The following TNS2 variants were observed in gnomAD, a reference collection of about 807,000 sequenced individuals.
The protein encoded by TNS2 is tensin-2.
A neutral mutation model predicts 155.7 loss-of-function variants in TNS2; 77 were observed. That is an observed-to-expected ratio of 0.49 (90% CI 0.41 to 0.60). The LOEUF (loss-of-function observed/expected upper bound fraction) is 0.60, where lower values mean the gene tolerates loss of function less well. TNS2 is among the 20% of genes least tolerant of loss of function. The probability of loss-of-function intolerance (pLI) is 0.00; values close to 1 mark genes in which losing one functional copy is unlikely to be tolerated. For missense variants in TNS2, 1,703 were observed against 1,868.8 expected (o/e 0.91, Z 1.64); for synonymous variants, 726 against 763.9 (o/e 0.95, Z 0.82).
At position 53,061,803 on chromosome 12, in the gene TNS2, C is replaced by T; in HGVS notation, c.3449-12C>T. The stretch of plus-strand genomic sequence containing the variant: ...AACTCCTCCCCACTGCCCGCTACCC[C>T]TCACCCTGCAGCCATTGCCCTGCTG... On this transcript the variant is annotated splice_polypyrimidine_tract_variant and intron_variant, in intron 21 of 28. Coordinates refer to ENST00000314250, the MANE Select transcript of TNS2 (RefSeq NM_170754.4). 1 of 1,609,506 alleles carries T rather than the reference C, an allele frequency of 6.2e-7. No homozygotes were observed. Among genetic ancestry groups the T allele is most frequent in the South Asian group, 1.1e-5 (1 of 90,632 alleles).
rs142918287 is a variant in TNS2 at position 53,060,216 on chromosome 12, T to C, written c.2575T>C (p.Leu859=). ...PTEEGGDRYP[L]PGHLASAGPL... ...GGAGGAGGGAGGGGACAGGTACCCA[T>C]TGCCTGGGCACCTGGCCTCAGCAGG... is the stretch of plus-strand genomic sequence containing the variant. Residue 859 remains leucine (L), a synonymous_variant, in exon 18 of 29, where the codon TTG becomes CTG. Transcript: ENST00000314250. This position sits in a 1 kb window ranked among gnomAD's most constrained non-coding sequence, Gnocchi z 6.1. 10 of 1,559,824 alleles carry C rather than the reference T, an allele frequency of 6.4e-6. No individual in the cohort carries two copies. The African/African-American group carries it at 9.5e-5, about 15-fold the overall frequency.
In TNS2 at chr12:53,059,307, G is replaced by T; in HGVS notation, c.1666G>T (p.Gly556Ter). The T allele has an allele frequency of 6.9e-7, 1 of 1,457,852 alleles. No homozygotes were observed. 90.3% of individuals were successfully genotyped at this position (1,457,852 alleles called of 1,614,324 possible). ...CTGCGGAGTGGCCAGTGGGGGCCGGGGAGCTGGGCGCGAGACGGCCATCCT... is the reference window on the plus strand; with the variant it reads ...CTGCGGAGTGGCCAGTGGGGGCCGGTGAGCTGGGCGCGAGACGGCCATCCT... ...GGCGVASGGR[G>*]AGRETAILDD... The change falls in exon 18 of 29, where the codon GGA (glycine) becomes TGA (stop). Residue 556 changes from glycine to a stop codon, truncating the protein, a stop_gained. Coordinates refer to ENST00000314250, the MANE Select transcript of TNS2 (RefSeq NM_170754.4). LOFTEE classifies it high-confidence loss of function. This position sits in a 1 kb window ranked among gnomAD's most constrained non-coding sequence, Gnocchi z 4.7.
intron 2 of TNS2, 47 bp downstream of exon 2, chr12:53,052,010 C>T (rs200580385): frequency 4.0e-5 from 58 of 1,467,994 alleles, no homozygotes; most frequent in Admixed American, 1.5e-4. Context: ...CCCAGTACCA[C>T]TGTGTTGCAC....
chr12:53,059,855 C>G lies in TNS2; in HGVS notation c.2214C>G (p.Leu738=). ...GGCCTGGGCACCCGCTGCCTCTGCTCTTGCCTGCCTGTGGGCATCACCATG... is the reference window on the plus strand; with the variant it reads ...GGCCTGGGCACCCGCTGCCTCTGCTGTTGCCTGCCTGTGGGCATCACCATG... ...PVRPGHPLPL[L]LPACGHHHAP... The change falls in exon 18 of 29, where the codon CTC becomes CTG. Residue 738 remains leucine, a synonymous_variant. Transcript: ENST00000314250. This position sits in a 1 kb window ranked among gnomAD's most constrained non-coding sequence, Gnocchi z 4.7. The G allele has an allele frequency of 6.2e-7, 1 of 1,612,996 alleles. No homozygotes were observed. The highest frequency in any genetic ancestry group is 8.5e-7 in the Non-Finnish European group (1 of 1,179,924).
At position 53,058,725 on chromosome 12, in the gene TNS2, C is replaced by T. The variant is rs771060380; in HGVS notation, c.1303C>T (p.Arg435Trp). The T allele has an allele frequency of 1.7e-5, 28 of 1,613,908 alleles. No individual in the cohort carries two copies. Among genetic ancestry groups the T allele is most frequent in the African/African-American group, 8.0e-5 (6 of 74,886 alleles). Residue 435 changes from arginine (R) to tryptophan (W), a missense_variant, in exon 17 of 29, where the codon CGG becomes TGG. Physicochemically the swap from Arg to Trp is moderately radical, Grantham distance 101. Transcript: ENST00000314250. ...SPEKIKGSTP[R>W]NDPSVSVDYN... Reference sequence around the variant, plus strand: ...GTGGCCTTCCACAGGCAGCACTCCACGGAACGACCCCTCGGTCTCTGTCGA... The same window carrying T: ...GTGGCCTTCCACAGGCAGCACTCCATGGAACGACCCCTCGGTCTCTGTCGA...
At position 53,060,851 on chromosome 12, in the gene TNS2, C is replaced by T. The variant is rs1283600860; in HGVS notation, c.2945C>T (p.Ser982Leu). ...GTCTCTCCGACCTTCCCTCCCAGCT[C>T]GCCCAGTGACTGGCCTCAGGAAAGG... ...SPVSPTFPPS[S>L]PSDWPQERSP... The change falls in exon 20 of 29, where the codon TCG (serine) becomes TTG (leucine). Residue 982 changes from serine to leucine, a missense_variant. Coordinates refer to ENST00000314250, the MANE Select transcript of TNS2 (RefSeq NM_170754.4). The surrounding 1 kb of genome is among the most constrained non-coding windows in gnomAD (Gnocchi z 6.1). 9 of 1,598,288 alleles carry T rather than the reference C, an allele frequency of 5.6e-6. No individual in the cohort carries two copies. Among genetic ancestry groups the T allele is most frequent in the Non-Finnish European group, 7.7e-6 (9 of 1,169,596 alleles).
chr12:53,056,931 C>A, intron 10 of TNS2, 82 bp from the exon 11 acceptor site: 1 of 1,331,022 alleles, frequency 7.5e-7, no homozygotes, highest in South Asian at 1.3e-5. Context: ...TCATATTTCT[C>A]CTCCATCCCC....
chr12:53,059,258 G>T lies in TNS2; in HGVS notation c.1617G>T (p.Gln539His). 1 of 1,515,072 alleles carries T rather than the reference G, an allele frequency of 6.6e-7. No individual in the cohort carries two copies. The allele number at this position is 1,515,072 out of a possible 1,614,324, so 93.9% of individuals were successfully genotyped here. ...CGCCCCCTACAGCTGCTGAACGGCAGGAGCTGGATCGCCTCCTAGGAGGCT... is the reference window on the plus strand; with the variant it reads ...CGCCCCCTACAGCTGCTGAACGGCATGAGCTGGATCGCCTCCTAGGAGGCT... ...GRPPPTAAER[Q>H]ELDRLLGGCG... Residue 539 changes from glutamine (Q) to histidine (H), a missense_variant, in exon 18 of 29, where the codon CAG (glutamine) becomes CAT (histidine). Coordinates refer to ENST00000314250, the MANE Select transcript of TNS2 (RefSeq NM_170754.4). The surrounding 1 kb of genome is among the most constrained non-coding windows in gnomAD (Gnocchi z 4.7).
Position 53,058,310 on chromosome 12 carries a change from T to A in TNS2, c.1096-6T>A. On this transcript the variant is annotated splice_polypyrimidine_tract_variant and splice_region_variant and intron_variant, in intron 14 of 28. Coordinates refer to ENST00000314250, the MANE Select transcript of TNS2 (RefSeq NM_170754.4). Reference sequence around the variant, plus strand: ...CCTGATCCGCAGCCTCCTGCCTTTCTCCCAGGTAACATGTTATCACAAGGG... The same window carrying A: ...CCTGATCCGCAGCCTCCTGCCTTTCACCCAGGTAACATGTTATCACAAGGG... The A allele has an allele frequency of 6.2e-7, 1 of 1,613,970 alleles. No homozygotes were observed. Among genetic ancestry groups the A allele is most frequent in the Non-Finnish European group, 8.5e-7 (1 of 1,179,938 alleles).
At chr12:53,052,306 C>A in intron 2 of TNS2, 149 bp from the exon 3 acceptor site, 1 of 965,000 alleles carries the variant, frequency 1.0e-6, no homozygotes, top group Non-Finnish European at 1.6e-6. Flanking sequence ...CAAAACCTAG[C>A]CCTGCTCCTC....
intron 22 of TNS2, 46 bp from the exon 23 acceptor site, chr12:53,062,107 G>T: frequency 6.8e-6 from 11 of 1,612,932 alleles, no homozygotes; most frequent in Non-Finnish European, 7.6e-6. Flanking sequence ...GAAGAAGCTG[G>T]AACCTGGAAT....
Position 53,062,678 on chromosome 12 carries a change from C to T in TNS2, c.3804C>T (p.Asp1268=). ...PVPTNMSTAA[D]LLRQGAACSV... is the part of the protein sequence containing the mutation. ...CCACCAACATGAGCACAGCGGCAGA[C>T]CTCCTGCGTCAGGGTGCTGGTAGAG... The change falls in exon 25 of 29, where the codon GAC becomes GAT. Residue 1268 remains aspartate (D), a synonymous_variant. Coordinates refer to ENST00000314250, the MANE Select transcript of TNS2 (RefSeq NM_170754.4). 6.2e-7 allele frequency: 1 copy of T among 1,613,972 alleles called. No homozygotes were observed. Among genetic ancestry groups the T allele is most frequent in the Non-Finnish European group, 8.5e-7 (1 of 1,179,974 alleles).
Position 53,050,999 on chromosome 12 carries a change from C to A in TNS2, c.75+739C>A, listed in dbSNP as rs900432181. On this transcript the variant is annotated intron_variant, in intron 1 of 28. Transcript: ENST00000314250. This position sits in a 1 kb window ranked among gnomAD's most constrained non-coding sequence, Gnocchi z 4.7. ...AGATGGCAAGGAGACAAGCTGTCCC[C>A]AGACAGAGGATGGGAGGAGAGAACC... Among the ~76,000 whole-genome samples the A allele has an allele frequency of 1.3e-5, 2 of 152,106 alleles. No individual in the cohort carries two copies. The highest frequency in any genetic ancestry group is 2.4e-5 in the African/African-American group (1 of 41,420).
At position 53,059,838 on chromosome 12, in the gene TNS2, C is replaced by T. The variant is rs1370022343; in HGVS notation, c.2197C>T (p.His733Tyr). The change falls in exon 18 of 29, where the codon CAC (histidine) becomes TAC (tyrosine). Residue 733 changes from histidine (H) to tyrosine (Y), a missense_variant. His to Tyr is a moderately conservative substitution (Grantham distance 83). Transcript: ENST00000314250. The surrounding 1 kb of genome is among the most constrained non-coding windows in gnomAD (Gnocchi z 4.7). ...KPLLHPVRPG[H>Y]PLPLLLPACG... ...TCTCCTGCACCCAGTGCGGCCTGGGCACCCGCTGCCTCTGCTCTTGCCTGC... is the reference window on the plus strand; with the variant it reads ...TCTCCTGCACCCAGTGCGGCCTGGGTACCCGCTGCCTCTGCTCTTGCCTGC... 2 of 1,612,812 alleles carry T rather than the reference C, an allele frequency of 1.2e-6. No homozygotes were observed. Among genetic ancestry groups the T allele is most frequent in the African/African-American group, 1.3e-5 (1 of 74,920 alleles).
rs137980725 is a variant in TNS2, at chr12:53,054,405, C to T, written c.486C>T (p.Ala162=). 7 of 1,606,570 alleles carry T rather than the reference C, an allele frequency of 4.4e-6. No homozygotes were observed. In the African/African-American group the frequency reaches 9.4e-5, roughly 22 times the overall value. The part of the protein sequence containing the change: ...QRHRGHLREL[A]HVLQSKHRDK... ...ACCGGGGCCACCTGCGCGAGCTGGC[C>T]CATGTGCTGCAATCCAAGCACCGGG... is the stretch of plus-strand genomic sequence containing the variant. Residue 162 remains alanine (A), a synonymous_variant, in exon 7 of 29, where the codon GCC becomes GCT. Transcript: ENST00000314250.
At position 53,058,843 on chromosome 12, in the gene TNS2, G is replaced by C; in HGVS notation, c.1405+16G>C. 5.0e-6 allele frequency: 8 copies of C among 1,611,680 alleles called. No individual in the cohort carries two copies. The highest frequency in any genetic ancestry group is 6.8e-6 in the Non-Finnish European group (8 of 1,179,604). ...AGTGTGGATGGTGCGCAGGCAGCCTGCAGGGTGGGAGGTACAGGGTTGTGG... is the reference window on the plus strand; with the variant it reads ...AGTGTGGATGGTGCGCAGGCAGCCTCCAGGGTGGGAGGTACAGGGTTGTGG... On this transcript the variant is annotated intron_variant, in intron 17 of 28. Transcript: ENST00000314250.
rs894904315 is a variant in TNS2, at chr12:53,063,644, C to T, written c.4091+52C>T. ...TTCCTTCCAAGGGACCAGGGCGCTG[C>T]TGTCCTCTCAATGCTGGCATTTGAT... On this transcript the variant is annotated intron_variant, in intron 28 of 28. Coordinates refer to ENST00000314250, the MANE Select transcript of TNS2 (RefSeq NM_170754.4). The surrounding 1 kb of genome is among the most constrained non-coding windows in gnomAD (Gnocchi z 5.6). The T allele has an allele frequency of 4.3e-6, 7 of 1,614,084 alleles. No homozygotes were observed. The highest frequency in any genetic ancestry group is 5.9e-6 in the Non-Finnish European group (7 of 1,180,016).
At position 53,060,596 on chromosome 12, in the gene TNS2, C is replaced by A; in HGVS notation, c.2768+41C>A. ...GGGGATGCTCGAGTGCTTTCTTGTC[C>A]AAGCAGTTGATGAAGGCAGGTGGGG... On this transcript the variant is annotated intron_variant, in intron 19 of 28. Coordinates refer to ENST00000314250, the MANE Select transcript of TNS2 (RefSeq NM_170754.4). This position sits in a 1 kb window ranked among gnomAD's most constrained non-coding sequence, Gnocchi z 6.1. The A allele has an allele frequency of 6.2e-7, 1 of 1,602,212 alleles. No individual in the cohort carries two copies. Among genetic ancestry groups the A allele is most frequent in the Non-Finnish European group, 8.5e-7 (1 of 1,173,166 alleles).
Position 53,050,101 on chromosome 12 carries a change from T to G in TNS2, c.-85T>G. 6.4e-7 allele frequency: 1 copy of G among 1,556,970 alleles called. No individual in the cohort carries two copies. The highest frequency in any genetic ancestry group is 8.7e-7 in the Non-Finnish European group (1 of 1,154,382). The stretch of plus-strand genomic sequence containing the variant: ...CCTCCGCCCAGGGGAAGCGGCTGCC[T>G]CCGCCAGGCCGCTTCCAGGAAGCCC... On this transcript the variant is annotated 5_prime_UTR_variant, in exon 1 of 29. Transcript: ENST00000314250. The surrounding 1 kb of genome is among the most constrained non-coding windows in gnomAD (Gnocchi z 4.7).
Sources: gnomAD v4.1 joint callset for allele counts (sites outside exome capture counted in the v4.1 genomes callset) on GRCh38, gnomAD v4.1.1 for gene constraint, Gnocchi (gnomAD v3.1) non-coding constraint, MANE v1.5 for transcripts, NCBI Gene and HGNC (gene_info 2026-07-23, HGNC 2026-07-21) for gene names.